Variants in STAG2 observed in about 807,000 individuals in gnomAD.
The protein encoded by STAG2 is cohesin subunit SA-2.
STAG2 carries 14 observed loss-of-function variants against 108.1 expected under a neutral mutation model. That is an observed-to-expected ratio of 0.13 (90% CI 0.09 to 0.20). STAG2 has a LOEUF of 0.20. STAG2 is among the 10% of genes least tolerant of loss of function. The probability of loss-of-function intolerance (pLI) is 1.00; values close to 1 mark genes in which losing one functional copy is unlikely to be tolerated. For missense variants in STAG2, 440 were observed against 940.9 expected (o/e 0.47, Z 6.96); for synonymous variants, 307 against 302.7 (o/e 1.01, Z -0.15).
intron 1 of STAG2, 125 bp downstream of exon 1, chrX:123,961,981 G>C (rs2147427424): frequency 8.8e-6 from 1 of 113,061 alleles, no homozygotes; most frequent in African/African-American, 3.2e-5. Context: ...GGAAGGGCGG[G>C]AGTGGAAGGC....
chrX:123,963,910 A>C (rs993265068), intron 1 of STAG2, among the ~76,000 whole-genome samples: 1 of 111,755 alleles, frequency 8.9e-6, no homozygotes, highest in African/African-American at 3.3e-5. Flanking sequence ...CTTTGGGTAG[A>C]AGTGTACTTA....
At chrX:124,088,603 A>C (rs771656846) in intron 30 of STAG2, among the ~76,000 whole-genome samples, 10 of 102,350 alleles carry the variant, frequency 9.8e-5, no homozygotes, top group African/African-American at 3.5e-4. Context: ...CACATTTGCA[A>C]ATATGTATAA....
chrX:124,087,805 A>G (rs1051958832), intron 30 of STAG2, among the ~76,000 whole-genome samples: 14 of 112,691 alleles, frequency 1.2e-4, no homozygotes, highest in Non-Finnish European at 2.1e-4. Context: ...TTAAATTGCC[A>G]CATAACTCAT....
At position 124,095,223 on chromosome X, in the gene STAG2, G is replaced by A. The variant is rs766362795; in HGVS notation, c.3706-149G>A. On this transcript the variant is annotated intron_variant, in intron 33 of 34. Transcript: ENST00000371145. ...ATTACAGGCGTGAGCCACCGCACCC[G>A]GCTGATAATTTTCCATGAGTTTTTA... 281 of 489,239 alleles carry A rather than the reference G, an allele frequency of 5.7e-4. 1 individual carries two copies. The East Asian group carries it at 7.9e-3, about 14-fold the overall frequency. The allele number at this position is 489,239 out of a possible 1,213,427, so 40.3% of individuals were successfully genotyped here.
intron 6 of STAG2, among the ~76,000 whole-genome samples, chrX:124,041,385 A>T (rs888393283): frequency 2.7e-5 from 3 of 109,840 alleles, no homozygotes; most frequent in African/African-American, 9.9e-5. Context: ...TCATCTTTGA[A>T]GCTGGGATTA....
intron 5 of STAG2, among the ~76,000 whole-genome samples, chrX:124,031,363 A>G (rs952639634): frequency 9.4e-6 from 1 of 106,361 alleles, no homozygotes; most frequent in African/African-American, 3.4e-5. Flanking sequence ...ATTTTATTTT[A>G]TTTTATTTTT....
intron 1 of STAG2, among the ~76,000 whole-genome samples, chrX:124,014,705 C>T (rs998658036): frequency 1.8e-5 from 2 of 110,774 alleles, no homozygotes; most frequent in Non-Finnish European, 3.8e-5. Flanking sequence ...AGATTTCCTA[C>T]TATTAGTTAG....
chrX:124,080,957 A>G (rs1052026820), intron 27 of STAG2, among the ~76,000 whole-genome samples: 3 of 112,271 alleles, frequency 2.7e-5, no homozygotes, highest in African/African-American at 9.7e-5. Context: ...TTCAAGTCCT[A>G]TAATTAGAAT....
chrX:124,096,185 C>T (rs994617078), intron 34 of STAG2, among the ~76,000 whole-genome samples: 3 of 109,977 alleles, frequency 2.7e-5, no homozygotes, highest in Non-Finnish European at 5.7e-5. Flanking sequence ...GATTTTTTTC[C>T]CCCCCATTGC....
At chrX:124,070,965 G>A (rs184497581) in intron 24 of STAG2, among the ~76,000 whole-genome samples, 184 bp from the exon 25 acceptor site, 2 of 111,829 alleles carry the variant, frequency 1.8e-5, no homozygotes, top group Admixed American at 1.9e-4. Flanking sequence ...AGCATTCGTT[G>A]TTACATAAAT....
intron 34 of STAG2, among the ~76,000 whole-genome samples, chrX:124,099,376 C>T (rs761143324): frequency 3.6e-5 from 4 of 111,214 alleles, no homozygotes; most frequent in African/African-American, 1.3e-4. Flanking sequence ...AACATTATCT[C>T]GGTCTTTTTG....
At chrX:124,012,899 G>A (rs2056567494) in intron 1 of STAG2, among the ~76,000 whole-genome samples, 1 of 111,469 alleles carries the variant, frequency 9.0e-6, no homozygotes. Context: ...ACTACCTTGA[G>A]TAAATAAATG....
At chrX:124,051,717 AGT>A (rs2058046130) in intron 13 of STAG2, among the ~76,000 whole-genome samples, 1 of 109,809 alleles carries the variant, frequency 9.1e-6, no homozygotes, top group Admixed American at 9.7e-5. Context: ...CAGCCTCCCG[AGT>A]AGCTGGGACT....
rs187140858 is a variant in STAG2 at position 124,006,341 on chromosome X, A to G, written c.-162-15026A>G. On this transcript the variant is annotated intron_variant, in intron 1 of 34. Transcript: ENST00000371145. ...ATGTATGGTTTTTAAAGAAACGTCT[A>G]AGCTCTTTGCCAGAGTGGCTGTAGT... 2.8e-4 allele frequency among the ~76,000 whole-genome samples: 31 copies of G among 111,443 alleles called. No homozygotes were observed. The East Asian group carries it at 7.8e-3, about 28-fold the overall frequency.
chrX:124,047,525 A>G lies in STAG2; in HGVS notation c.819+20A>G. On this transcript the variant is annotated intron_variant, in intron 9 of 34. Transcript: ENST00000371145. ...AAAGAGGTAAACTTTTATATTGAATATTTAGGCTATTGTGTGACCAACTTG... is the reference window on the plus strand; with the variant it reads ...AAAGAGGTAAACTTTTATATTGAATGTTTAGGCTATTGTGTGACCAACTTG... 2 of 1,191,279 alleles carry G rather than the reference A, an allele frequency of 1.7e-6. No homozygotes were observed. The highest frequency in any genetic ancestry group is 3.0e-5 in the East Asian group (1 of 33,481).
At chrX:124,085,821 C>A (rs1272122453) in intron 29 of STAG2, among the ~76,000 whole-genome samples, 1 of 101,151 alleles carries the variant, frequency 9.9e-6, no homozygotes, top group Non-Finnish European at 2.0e-5. Context: ...GAACAGCTAA[C>A]AAAGCAGTAT....
In STAG2 at chrX:124,094,344, A is replaced by G. The variant is rs1391194194; in HGVS notation, c.3705+200A>G. Among the ~76,000 whole-genome samples, 18 of 111,662 alleles carry G rather than the reference A, an allele frequency of 1.6e-4. No homozygotes were observed. In the Admixed American group the frequency reaches 1.7e-3, roughly 11 times the overall value. On this transcript the variant is annotated intron_variant, in intron 33 of 34. Transcript: ENST00000371145. ...TGAAGGTGGTAGATCCTAGATTAAG[A>G]TGATAACAATTGTCTGTTTGTTTCT... is the stretch of plus-strand genomic sequence containing the variant.
intron 5 of STAG2, among the ~76,000 whole-genome samples, chrX:124,033,005 T>C (rs1222091507): frequency 8.9e-6 from 1 of 112,584 alleles, no homozygotes; most frequent in Non-Finnish European, 1.9e-5. Context: ...AAAATACTTG[T>C]TAATTGTTTG....
intron 1 of STAG2, among the ~76,000 whole-genome samples, chrX:124,010,138 T>C (rs1474013890): frequency 8.9e-6 from 1 of 111,750 alleles, no homozygotes; most frequent in African/African-American, 3.3e-5. Flanking sequence ...AATTTTTTAT[T>C]GTGGTAAACA....
Sources: allele counts gnomAD v4.1 joint callset (sites outside exome capture counted in the v4.1 genomes callset), GRCh38; gene constraint gnomAD v4.1.1; transcripts MANE v1.5; gene names NCBI Gene and HGNC (gene_info 2026-07-23, HGNC 2026-07-21).